Variants in SYCP3 observed in about 807,000 individuals in gnomAD.
SYCP3 encodes the protein synaptonemal complex protein 3.
A neutral mutation model predicts 38.5 loss-of-function variants in SYCP3; 29 were observed. That is an observed-to-expected ratio of 0.75 (90% CI 0.56 to 1.03). The LOEUF is 1.03. Among genes scored for constraint, SYCP3 ranks in the 50% least tolerant of loss-of-function variants. The probability of loss-of-function intolerance (pLI) is 0.00; values close to 1 mark genes in which losing one functional copy is unlikely to be tolerated. For missense variants in SYCP3, 242 were observed against 270.7 expected (o/e 0.89, Z 0.74); for synonymous variants, 79 against 80.3 (o/e 0.98, Z 0.08).
At chr12:101,737,724 C>CT (rs1952510956) in intron 2 of SYCP3, 79 bp downstream of exon 2, 2 of 1,601,756 alleles carry the variant, frequency 1.2e-6, no homozygotes, top group Non-Finnish European at 1.7e-6. Flanking sequence ...GCTTTACAAA[C>CT]TAAGTTGTAC....
rs563074412 is a variant in SYCP3, at chr12:101,739,366, A to G, written c.-33T>C. ...CTGCTCACACCTGAAACACACCGCA[A>G]TGGCCGAGGACCAGTTACTGGTCGT... On this transcript the variant is annotated 5_prime_UTR_variant, in exon 1 of 9. Transcript: ENST00000392924. 58 of 1,002,854 alleles carry G rather than the reference A, an allele frequency of 5.8e-5. No individual in the cohort carries two copies. The South Asian group carries it at 2.3e-3, about 40-fold the overall frequency. The allele number at this position is 1,002,854 out of a possible 1,614,324, so 62.1% of individuals were successfully genotyped here. A position where few individuals can be genotyped will look rare whatever the true frequency, so the allele number is the denominator to read the frequency against.
intron 6 of SYCP3, 183 bp from the exon 7 acceptor site, chr12:101,731,849 A>C: frequency 2.3e-6 from 1 of 443,964 alleles, no homozygotes; most frequent in Non-Finnish European, 4.0e-6. Context: ...ACAATATATT[A>C]ATTCTACCAG....
chr12:101,735,871 A>ATATATATATATTTTTTTTTTTTTTTTTT, intron 4 of SYCP3, among the ~76,000 whole-genome samples: 1 of 74,760 alleles, frequency 1.3e-5, no homozygotes, highest in African/African-American at 6.3e-5. Context: ...ATATATATAT[A>ATATATATATATTTTTTTTTTTTTTTTTT]TTTTTTTTTT....
At chr12:101,736,813 C>G (rs1348809293) in intron 4 of SYCP3, among the ~76,000 whole-genome samples, 2 of 151,580 alleles carry the variant, frequency 1.3e-5, no homozygotes, top group African/African-American at 4.8e-5. Flanking sequence ...ATTCCATAGT[C>G]CATTAAATTC....
intron 5 of SYCP3, 38 bp from the exon 6 acceptor site, chr12:101,733,712 A>C (rs759240787): frequency 1.3e-6 from 2 of 1,560,226 alleles, no homozygotes; most frequent in Non-Finnish European, 1.8e-6. Context: ...CATATTTCAT[A>C]CCAATATAAA....
chr12:101,737,575 C>G (rs1012585712), intron 2 of SYCP3: 32 of 672,616 alleles, frequency 4.8e-5, no homozygotes, highest in African/African-American at 1.1e-4. Context: ...ACTGCAAAAG[C>G]AAGAGTTGCC....
rs907825283 is a variant in SYCP3 at position 101,728,761 on chromosome 12, A to C, written c.*166T>G. ...TTTAGGAATAGTTGCTAACTAACTC[A>C]TAACTATTTAGATTTGACTTAACAG... On this transcript the variant is annotated 3_prime_UTR_variant, in exon 9 of 9. Coordinates refer to ENST00000392924, the MANE Select transcript of SYCP3 (RefSeq NM_001177949.2). 4.3e-6 allele frequency: 4 copies of C among 926,454 alleles called. No individual in the cohort carries two copies. The highest frequency in any genetic ancestry group is 4.8e-6 in the Non-Finnish European group (3 of 620,284). The allele number at this position is 926,454 out of a possible 1,614,324, so 57.4% of individuals were successfully genotyped here. A position where few individuals can be genotyped will look rare whatever the true frequency, so the allele number is the denominator to read the frequency against.
At chr12:101,739,206 G>A (rs1373723933) in intron 1 of SYCP3, 145 bp downstream of exon 1, 2 of 923,984 alleles carry the variant, frequency 2.2e-6, no homozygotes, top group Non-Finnish European at 2.6e-6. Context: ...GCCCTATCCT[G>A]CTCAAGGCCC....
Position 101,731,657 on chromosome 12 carries a change from G to T in SYCP3, c.463C>A (p.Arg155=). 6.3e-7 allele frequency: 1 copy of T among 1,594,224 alleles called. No individual in the cohort carries two copies. Residue 155 remains arginine, a synonymous_variant, in exon 7 of 9, where the codon CGA becomes AGA. Transcript: ENST00000392924. ...TGTTGAAGAATCTTTTGTTGCTGTC[G>T]AAACATATTCTACAAATATAAAAGA... The part of the protein sequence containing the change: ...EQEEKILNMF[R]QQQKILQQSR...
At chr12:101,736,568 A>G (rs1034444933) in intron 4 of SYCP3, among the ~76,000 whole-genome samples, 1 of 152,298 alleles carries the variant, frequency 6.6e-6, no homozygotes, top group Non-Finnish European at 1.5e-5. Flanking sequence ...AGTATCAACT[A>G]CATAGTTTAT....
intron 7 of SYCP3, among the ~76,000 whole-genome samples, chr12:101,730,869 T>C (rs80291787): frequency 0.021 from 3,169 of 152,282 alleles, 50 homozygotes; most frequent in African/African-American, 0.038. Flanking sequence ...TTAATGTTAT[T>C]TTAACATGTA....
chr12:101,738,638 A>C (rs181390268), intron 1 of SYCP3, among the ~76,000 whole-genome samples: 35 of 152,308 alleles, frequency 2.3e-4, no homozygotes, highest in African/African-American at 8.2e-4. Context: ...CAGGAGGCTG[A>C]GGCAGAAGAA....
At chr12:101,738,310 C>T (rs1440327058) in intron 1 of SYCP3, among the ~76,000 whole-genome samples, 1 of 149,440 alleles carries the variant, frequency 6.7e-6, no homozygotes, top group Non-Finnish European at 1.5e-5. Flanking sequence ...TGCCTGTAGT[C>T]CCAGCTGCTC....
At position 101,731,585 on chromosome 12, in the gene SYCP3, A is replaced by G; in HGVS notation, c.535T>C (p.Tyr179His). Reference sequence around the variant, plus strand: ...CAACAAACCTTTATGAACTGCTCATATAACTGTTTAATTGTTTTCAATCTC... The same window carrying G: ...CAACAAACCTTTATGAACTGCTCATGTAACTGTTTAATTGTTTTCAATCTC... ...SQRLKTIKQLYEQFIKSMEEL... is the reference protein window; with the variant it reads ...SQRLKTIKQLHEQFIKSMEEL... Residue 179 changes from tyrosine (Y) to histidine (H), a missense_variant, in exon 7 of 9, where the codon TAT becomes CAT. By Grantham distance (83) the Tyr-to-His change is moderately conservative. Coordinates refer to ENST00000392924, the MANE Select transcript of SYCP3 (RefSeq NM_001177949.2). 6.2e-7 allele frequency: 1 copy of G among 1,605,442 alleles called. No individual in the cohort carries two copies. The highest frequency in any genetic ancestry group is 8.5e-7 in the Non-Finnish European group (1 of 1,177,316).
chr12:101,739,341 C>T lies in SYCP3; in HGVS notation c.-18+10G>A. 1.0e-6 allele frequency: 1 copy of T among 1,002,848 alleles called. No homozygotes were observed. 62.1% of individuals were successfully genotyped at this position (1,002,848 alleles called of 1,614,324 possible). ...CACCTGCGATAGACAGACGCCTCCC[C>T]TGCTCACACCTGAAACACACCGCAA... On this transcript the variant is annotated intron_variant, in intron 1 of 8. Coordinates refer to ENST00000392924, the MANE Select transcript of SYCP3 (RefSeq NM_001177949.2).
intron 7 of SYCP3, among the ~76,000 whole-genome samples, chr12:101,730,937 T>C (rs908684898): frequency 9.2e-5 from 14 of 152,322 alleles, no homozygotes; most frequent in Admixed American, 2.6e-4. Flanking sequence ...CAAGATTCCA[T>C]TGAGCTTCTA....
Position 101,728,850 on chromosome 12 carries a change from G to A in SYCP3, c.*77C>T, listed in dbSNP as rs1566047347. 2 of 1,589,090 alleles carry A rather than the reference G, an allele frequency of 1.3e-6. No homozygotes were observed. The highest frequency in any genetic ancestry group is 4.5e-5 in the East Asian group (2 of 44,604). ...GATGTTACAATTAAACTATTCTAAA[G>A]ACTTACAATATGCTTCTTAGCTAAC... On this transcript the variant is annotated 3_prime_UTR_variant, in exon 9 of 9. Transcript: ENST00000392924.
intron 4 of SYCP3, among the ~76,000 whole-genome samples, chr12:101,736,740 G>A (rs1594180590): frequency 1.4e-5 from 2 of 144,814 alleles, no homozygotes; most frequent in Non-Finnish European, 3.0e-5. Flanking sequence ...GTGTGTGTGT[G>A]TATCACTTAG....
At chr12:101,736,405 G>A (rs1256913637) in intron 4 of SYCP3, among the ~76,000 whole-genome samples, 2 of 151,966 alleles carry the variant, frequency 1.3e-5, no homozygotes, top group Admixed American at 1.3e-4. Context: ...AGAGTTGACT[G>A]TATGAACAAT....
Sources: gnomAD v4.1 joint callset for allele counts (sites outside exome capture counted in the v4.1 genomes callset) on GRCh38, gnomAD v4.1.1 for gene constraint, MANE v1.5 for transcripts, NCBI Gene and HGNC (gene_info 2026-07-23, HGNC 2026-07-21) for gene names.